Variants in ADK observed in about 807,000 individuals in gnomAD.
The protein encoded by ADK is N6,N6-dimethyladenosine kinase.
A neutral mutation model predicts 44.7 loss-of-function variants in ADK; 24 were observed. That is an observed-to-expected ratio of 0.54 (90% CI 0.39 to 0.76). The LOEUF is 0.76. ADK is among the 30% of genes least tolerant of loss of function. ADK has a pLI of 0.00. For missense variants in ADK, 321 were observed against 425.1 expected (o/e 0.76, Z 2.15); for synonymous variants, 128 against 142.6 (o/e 0.90, Z 0.73).
chr10:74,316,278 A>G (rs1267964669), intron 4 of ADK, among the ~76,000 whole-genome samples: 1 of 152,080 alleles, frequency 6.6e-6, no homozygotes, highest in Non-Finnish European at 1.5e-5. Context: ...GATTTACTTA[A>G]GCCTTAATTT....
intron 8 of ADK, among the ~76,000 whole-genome samples, chr10:74,590,704 G>A (rs1851687609): frequency 6.6e-6 from 1 of 152,002 alleles, no homozygotes; most frequent in African/African-American, 2.4e-5. Flanking sequence ...TCCAAGTGGT[G>A]GGTTTTTTTC....
chr10:74,252,293 A>G (rs775173401), intron 3 of ADK, among the ~76,000 whole-genome samples: 8 of 152,120 alleles, frequency 5.3e-5, no homozygotes, highest in Non-Finnish European at 8.8e-5. Flanking sequence ...TCCTAAAGCT[A>G]TTGTGCCTCA....
At chr10:74,306,376 C>T (rs750874786) in intron 3 of ADK, among the ~76,000 whole-genome samples, 1 of 151,998 alleles carries the variant, frequency 6.6e-6, no homozygotes, top group Non-Finnish European at 1.5e-5. Flanking sequence ...GTTTGTGGTT[C>T]CCTGGAGCTC....
At chr10:74,486,564 T>C (rs1393958971) in intron 6 of ADK, among the ~76,000 whole-genome samples, 1 of 152,192 alleles carries the variant, frequency 6.6e-6, no homozygotes, top group Non-Finnish European at 1.5e-5. Context: ...ATAATGAATA[T>C]GTACTTTTAG....
intron 9 of ADK, among the ~76,000 whole-genome samples, chr10:74,602,325 A>G (rs765263460): frequency 1.3e-5 from 2 of 152,198 alleles, no homozygotes; most frequent in Non-Finnish European, 2.9e-5. Flanking sequence ...TTCCTGTCTT[A>G]GCAGTGGACA....
intron 6 of ADK, among the ~76,000 whole-genome samples, chr10:74,461,611 G>A (rs188737777): frequency 7.2e-5 from 11 of 152,056 alleles, no homozygotes; most frequent in African/African-American, 2.6e-4. Flanking sequence ...TATAATTGAT[G>A]GTTTGGAATT....
At chr10:74,520,604 AG>A (rs1444937793) in intron 6 of ADK, among the ~76,000 whole-genome samples, 3 of 148,532 alleles carry the variant, frequency 2.0e-5, no homozygotes, top group Non-Finnish European at 4.5e-5. Flanking sequence ...AAAAAAAAAA[AG>A]AGCAAAAAGG....
intron 9 of ADK, among the ~76,000 whole-genome samples, chr10:74,610,142 A>G (rs1394324505): frequency 6.6e-6 from 1 of 152,190 alleles, no homozygotes; most frequent in Non-Finnish European, 1.5e-5. Flanking sequence ...CATTATTCAC[A>G]ATAACCAAAA....
At chr10:74,242,471 T>C (rs1223158333) in intron 3 of ADK, among the ~76,000 whole-genome samples, 3 of 152,202 alleles carry the variant, frequency 2.0e-5, no homozygotes, top group African/African-American at 7.2e-5. Context: ...TAGTGTGTTA[T>C]TTTAGATAAT....
chr10:74,261,839 G>T (rs1846048285), intron 3 of ADK, among the ~76,000 whole-genome samples: 1 of 151,012 alleles, frequency 6.6e-6, no homozygotes, highest in Non-Finnish European at 1.5e-5. Flanking sequence ...TTCTTATTAT[G>T]GCTTTTTTTT....
chr10:74,671,291 G>A (rs1250902603), intron 10 of ADK, among the ~76,000 whole-genome samples: 2 of 150,566 alleles, frequency 1.3e-5, no homozygotes, highest in Non-Finnish European at 2.9e-5. Flanking sequence ...TCCACCTCCC[G>A]GGTTCAAATG....
At chr10:74,656,302 A>G (rs557411190) in intron 9 of ADK, among the ~76,000 whole-genome samples, 6 of 152,330 alleles carry the variant, frequency 3.9e-5, no homozygotes, top group African/African-American at 9.6e-5. Flanking sequence ...GCAGCTGTGA[A>G]TGGCACAGTT....
chr10:74,500,641 C>A (rs574291765), intron 6 of ADK, among the ~76,000 whole-genome samples: 2 of 152,188 alleles, frequency 1.3e-5, no homozygotes, highest in Non-Finnish European at 2.9e-5. Flanking sequence ...CATATAACTT[C>A]ATAAAGCTCA....
intron 4 of ADK, among the ~76,000 whole-genome samples, chr10:74,384,634 G>C (rs968704143): frequency 6.6e-6 from 1 of 152,130 alleles, no homozygotes. Context: ...TCGCACCACT[G>C]CTCTCCAGCC....
intron 4 of ADK, among the ~76,000 whole-genome samples, chr10:74,330,893 G>A (rs1004462967): frequency 1.3e-5 from 2 of 152,128 alleles, no homozygotes; most frequent in African/African-American, 4.8e-5. Context: ...ATGTGAGATA[G>A]TATTTCTTAT....
At chr10:74,510,096 T>G (rs1848246829) in intron 6 of ADK, among the ~76,000 whole-genome samples, 1 of 152,216 alleles carries the variant, frequency 6.6e-6, no homozygotes, top group African/African-American at 2.4e-5. Flanking sequence ...TTGGATAAAT[T>G]CCTAGTAGTA....
At chr10:74,443,997 T>G (rs1479564772) in intron 6 of ADK, among the ~76,000 whole-genome samples, 1 of 152,088 alleles carries the variant, frequency 6.6e-6, no homozygotes, top group Non-Finnish European at 1.5e-5. Flanking sequence ...AAAACTCATG[T>G]GTTAGTAAGC....
At chr10:74,205,856 G>A (rs7072220) in intron 2 of ADK, among the ~76,000 whole-genome samples, 4,846 of 152,032 alleles carry the variant, frequency 0.032, 273 homozygotes, top group African/African-American at 0.11. Context: ...TAACTATGTC[G>A]ATAACTTTCT....
intron 6 of ADK, among the ~76,000 whole-genome samples, chr10:74,488,932 C>T (rs566849105): frequency 2.6e-5 from 4 of 151,968 alleles, no homozygotes; most frequent in African/African-American, 9.6e-5. Flanking sequence ...GCCTCATTCT[C>T]CTCAAATATT....
Sources: gnomAD v4.1 joint callset for allele counts (sites outside exome capture counted in the v4.1 genomes callset) on GRCh38, gnomAD v4.1.1 for gene constraint, MANE v1.5 for transcripts, NCBI Gene and HGNC (gene_info 2026-07-23, HGNC 2026-07-21) for gene names.